The following SLC9A7 variants were observed in gnomAD, a reference collection of about 807,000 sequenced individuals.
The protein encoded by SLC9A7 is sodium/hydrogen exchanger 7.
SLC9A7 carries 19 observed loss-of-function variants against 52.6 expected under a neutral mutation model. That is an observed-to-expected ratio of 0.36 (90% CI 0.25 to 0.53). The LOEUF is 0.53. Ranked by LOEUF, SLC9A7 falls within the 20% of genes least tolerant of loss-of-function variation. The probability of loss-of-function intolerance (pLI) is 0.91; values close to 1 mark genes in which losing one functional copy is unlikely to be tolerated. For missense variants in SLC9A7, 455 were observed against 597.9 expected, an observed-to-expected ratio of 0.76 and a Z score of 2.49; for synonymous variants, 226 against 252.1, an observed-to-expected ratio of 0.90 and a Z score of 0.98.
intron 1 of SLC9A7, among the ~76,000 whole-genome samples, chrX:46,738,105 AAGAG>A (rs201752470): frequency 1.7e-4 from 8 of 48,465 alleles, no homozygotes; most frequent in South Asian, 7.1e-4. Flanking sequence ...GAAAGAAAGA[AAGAG>A]AAAAGAAAAG....
At chrX:46,619,593 C>T (rs1488702514) in intron 15 of SLC9A7, among the ~76,000 whole-genome samples, 4 of 111,451 alleles carry the variant, frequency 3.6e-5, no homozygotes, top group Admixed American at 9.5e-5. Context: ...AATATATATA[C>T]TGTATAATCC....
Position 46,602,495 on chromosome X carries a change from G to A in SLC9A7, c.*4457C>T, listed in dbSNP as rs1216857189. On this transcript the variant is annotated 3_prime_UTR_variant, in exon 17 of 17. Transcript: ENST00000616978. ...GAACACTCCTGAGGTTCCAAACAAA[G>A]CATGGATTCCAGGTCCCACCTGAAG... 1 of 111,980 alleles carries A rather than the reference G, an allele frequency of 8.9e-6. No individual in the cohort carries two copies. The highest frequency in any genetic ancestry group is 1.9e-5 in the Non-Finnish European group (1 of 53,260). The allele number at this position is 111,980 out of a possible 1,213,427, so 9.2% of individuals were successfully genotyped here.
In SLC9A7 at chrX:46,672,238, A is replaced by T. The variant is rs927248819; in HGVS notation, c.680+313T>A. ...CTTCCTTACTTTCTGGCATTACAAG[A>T]TACTCCCTTTTCATCTTGTATATTT... On this transcript the variant is annotated intron_variant, in intron 4 of 16. Transcript: ENST00000616978. Among the ~76,000 whole-genome samples the T allele has an allele frequency of 2.7e-5, 3 of 111,350 alleles. No individual in the cohort carries two copies. The East Asian group carries it at 8.4e-4, about 31-fold the overall frequency.
At chrX:46,721,451 G>A (rs1457017053) in intron 1 of SLC9A7, among the ~76,000 whole-genome samples, 5 of 111,956 alleles carry the variant, frequency 4.5e-5, no homozygotes, top group African/African-American at 1.6e-4. Context: ...GGAGACTGAG[G>A]GACAAGGGCA....
chrX:46,611,152 C>T (rs2179209), intron 16 of SLC9A7, among the ~76,000 whole-genome samples: 39,875 of 110,649 alleles, frequency 0.36, 7,233 homozygotes, highest in African/African-American at 0.7. Context: ...CTTTAGACAG[C>T]GGGCCAAACT....
In SLC9A7 at chrX:46,672,560, A is replaced by C; in HGVS notation, c.671T>G (p.Phe224Cys). Reference sequence around the variant, plus strand: ...ACAAAGGTTCACTTACCCAATAATGAAGCATGAAACAGCAGTCCCCAAGAA... The same window carrying C: ...ACAAAGGTTCACTTACCCAATAATGCAGCATGAAACAGCAGTCCCCAAGAA... ...YAFLGTAVSC[F>C]IIGNLMYGVV... The change falls in exon 4 of 17, where the codon TTC becomes TGC. Residue 224 changes from phenylalanine (F) to cysteine (C), a missense_variant. Phe to Cys is a radical substitution (Grantham distance 205). Coordinates refer to ENST00000616978, the MANE Select transcript of SLC9A7 (RefSeq NM_001257291.2). 8.3e-7 allele frequency: 1 copy of C among 1,203,814 alleles called. No individual in the cohort carries two copies. Among genetic ancestry groups the C allele is most frequent in the Non-Finnish European group, 1.1e-6 (1 of 888,559 alleles).
At chrX:46,661,886 G>A in intron 7 of SLC9A7, 130 bp downstream of exon 7, 2 of 552,290 alleles carry the variant, frequency 3.6e-6, no homozygotes, top group Non-Finnish European at 5.6e-6. Flanking sequence ...CATATTTCAG[G>A]AGCCATCATG....
intron 1 of SLC9A7, among the ~76,000 whole-genome samples, chrX:46,699,366 T>C (rs1034044268): frequency 4.5e-5 from 5 of 111,812 alleles, no homozygotes; most frequent in Non-Finnish European, 9.4e-5. Context: ...ACATACCTTC[T>C]TCTGATAGTC....
chrX:46,737,956 G>A (rs758868101), intron 1 of SLC9A7, among the ~76,000 whole-genome samples: 2 of 108,320 alleles, frequency 1.8e-5, no homozygotes, highest in African/African-American at 6.7e-5. Context: ...GAGCCCAGGA[G>A]GTGGAGGCTG....
intron 1 of SLC9A7, among the ~76,000 whole-genome samples, chrX:46,741,141 G>T (rs774611353): frequency 9.0e-6 from 1 of 111,659 alleles, no homozygotes; most frequent in African/African-American, 3.2e-5. Flanking sequence ...AGATAAAGAA[G>T]TCCTAAGCAG....
At chrX:46,685,329 C>A in intron 1 of SLC9A7, 1 of 123,953 alleles carries the variant, frequency 8.1e-6, no homozygotes. Context: ...TTCTCCATCC[C>A]CTGTACTGCC....
Position 46,676,044 on chromosome X carries a change from G to A in SLC9A7, c.604-3417C>T, listed in dbSNP as rs138492739. On this transcript the variant is annotated intron_variant, in intron 3 of 16. Coordinates refer to ENST00000616978, the MANE Select transcript of SLC9A7 (RefSeq NM_001257291.2). ...CCTTGCCTTATGCATCTCTTCATCT[G>A]TATCCTTTGTAATATCTTTTATAAT... Among the ~76,000 whole-genome samples, 633 of 111,752 alleles carry A rather than the reference G, an allele frequency of 5.7e-3. 5 individuals carry two copies. Among genetic ancestry groups the A allele is most frequent in the Non-Finnish European group, 9.9e-3 (525 of 53,142 alleles).
At chrX:46,752,941 C>A (rs1476118985) in intron 1 of SLC9A7, among the ~76,000 whole-genome samples, 1 of 112,100 alleles carries the variant, frequency 8.9e-6, no homozygotes, top group African/African-American at 3.2e-5. Context: ...CTAATTACAG[C>A]GTTCCACAAA....
At chrX:46,695,288 T>C (rs1466464356) in intron 1 of SLC9A7, among the ~76,000 whole-genome samples, 2 of 112,795 alleles carry the variant, frequency 1.8e-5, no homozygotes, top group Non-Finnish European at 3.7e-5. Flanking sequence ...GTACTAGTGT[T>C]CCATACTTTT....
chrX:46,729,995 T>C (rs1945002976), intron 1 of SLC9A7, among the ~76,000 whole-genome samples: 1 of 111,756 alleles, frequency 8.9e-6, no homozygotes, highest in Non-Finnish European at 1.9e-5. Flanking sequence ...TTAGCTAAAA[T>C]AGTTATTCAG....
rs144127516 is a variant in SLC9A7 at position 46,626,686 on chromosome X, T to C, written c.1740+4900A>G. Among the ~76,000 whole-genome samples the C allele has an allele frequency of 7.5e-4, 84 of 112,219 alleles. No individual in the cohort carries two copies. In the East Asian group the frequency reaches 0.012, roughly 16 times the overall value. On this transcript the variant is annotated intron_variant, in intron 14 of 16. Transcript: ENST00000616978. ...AGGTGGCTGGATCATGGGGGCAGAC[T>C]TCCCCCTTGCTGTTCTTGTGATAGT...
intron 1 of SLC9A7, among the ~76,000 whole-genome samples, chrX:46,755,995 T>C (rs190064435): frequency 9.2e-6 from 1 of 108,754 alleles, no homozygotes; most frequent in African/African-American, 3.3e-5. Flanking sequence ...TACCAACAAA[T>C]ATATAAATTT....
At chrX:46,629,517 C>G (rs1428332149) in intron 14 of SLC9A7, among the ~76,000 whole-genome samples, 1 of 112,109 alleles carries the variant, frequency 8.9e-6, no homozygotes, top group Non-Finnish European at 1.9e-5. Flanking sequence ...GTAAGTTCTA[C>G]TACATGACCA....
chrX:46,730,691 T>TATATATAG (rs1569524462), intron 1 of SLC9A7, among the ~76,000 whole-genome samples: 4 of 72,482 alleles, frequency 5.5e-5, no homozygotes, highest in African/African-American at 1.9e-4. Context: ...TATATATATA[T>TATATATAG]ATATATATAT....
Sources: allele counts gnomAD v4.1 joint callset (sites outside exome capture counted in the v4.1 genomes callset), GRCh38; gene constraint gnomAD v4.1.1; transcripts MANE v1.5; gene names NCBI Gene and HGNC (gene_info 2026-07-23, HGNC 2026-07-21).